The following PTPN9 variants were observed in gnomAD, a reference collection of about 807,000 sequenced individuals.
PTPN9 encodes tyrosine-protein phosphatase non-receptor type 9.
A neutral mutation model predicts 69.8 loss-of-function variants in PTPN9; 26 were observed. That is an observed-to-expected ratio of 0.37 (90% CI 0.27 to 0.52). PTPN9 has a LOEUF of 0.52. Among genes scored for constraint, PTPN9 ranks in the 20% least tolerant of loss-of-function variants. PTPN9 has a pLI of 0.91. For synonymous variants in PTPN9, 274 were observed against 272.5 expected (o/e 1.01, Z -0.05); for missense variants, 549 against 740.3 (o/e 0.74, Z 3.00).
intron 1 of PTPN9, among the ~76,000 whole-genome samples, chr15:75,535,679 C>T (rs2074979827): frequency 6.6e-6 from 1 of 152,192 alleles, no homozygotes; most frequent in East Asian, 1.9e-4. Flanking sequence ...TGCCATTTCT[C>T]CATTATTTCA....
chr15:75,522,968 G>A (rs1474174453), intron 4 of PTPN9, among the ~76,000 whole-genome samples, 153 bp downstream of exon 4: 1 of 152,190 alleles, frequency 6.6e-6, no homozygotes, highest in Non-Finnish European at 1.5e-5. Flanking sequence ...CAAACATGCC[G>A]AGTTCTAAAG....
intron 1 of PTPN9, among the ~76,000 whole-genome samples, chr15:75,564,714 T>C (rs927368443): frequency 9.2e-5 from 14 of 152,046 alleles, no homozygotes; most frequent in African/African-American, 3.1e-4. Flanking sequence ...TCTAACACTT[T>C]GGGAGGGCAA....
chr15:75,483,412 C>T (rs2074656045), intron 8 of PTPN9, among the ~76,000 whole-genome samples: 2 of 152,136 alleles, frequency 1.3e-5, no homozygotes, highest in South Asian at 2.1e-4. Context: ...CATGCTATGA[C>T]ATGGATGGAC....
chr15:75,489,703 TAAC>T (rs1191580940), intron 8 of PTPN9, among the ~76,000 whole-genome samples: 1 of 152,238 alleles, frequency 6.6e-6, no homozygotes. Context: ...ATGAGGCTTT[TAAC>T]ATGTAGATAT....
At position 75,478,180 on chromosome 15, in the gene PTPN9, G is replaced by A. The variant is rs4886446; in HGVS notation, c.1129+1668C>T. 2.8e-3 allele frequency among the ~76,000 whole-genome samples: 416 copies of A among 147,992 alleles called. 2 individuals are homozygous for A. The highest frequency in any genetic ancestry group is 9.7e-3 in the African/African-American group (392 of 40,338). ...TTCTTTTTGAGCGCAATCTCTGCTC[G>A]CTGCAACCTCCGCCTCCTGGGTTCA... On this transcript the variant is annotated intron_variant, in intron 9 of 12. Transcript: ENST00000618819.
At position 75,478,475 on chromosome 15, in the gene PTPN9, G is replaced by A. The variant is rs547956074; in HGVS notation, c.1129+1373C>T. Among the ~76,000 whole-genome samples, 5 of 151,952 alleles carry A rather than the reference G, an allele frequency of 3.3e-5. No individual in the cohort carries two copies. The South Asian group carries it at 6.2e-4, about 19-fold the overall frequency. On this transcript the variant is annotated intron_variant, in intron 9 of 12. Coordinates refer to ENST00000618819, the MANE Select transcript of PTPN9 (RefSeq NM_002833.4). Reference sequence around the variant, plus strand: ...GGCTGGAGTGCAGTGGCACGATCTCGGCTCAGAGCAACCTCTGCTTCCTGG... The same window carrying A: ...GGCTGGAGTGCAGTGGCACGATCTCAGCTCAGAGCAACCTCTGCTTCCTGG...
At chr15:75,482,592 G>A (rs898273432) in intron 8 of PTPN9, among the ~76,000 whole-genome samples, 2,792 of 82,568 alleles carry the variant, frequency 0.034, no homozygotes, top group South Asian at 0.05. Context: ...AAAAAAAAAA[G>A]AGTCATCACC....
At chr15:75,511,593 T>C (rs1181701091) in intron 5 of PTPN9, among the ~76,000 whole-genome samples, 5 of 152,152 alleles carry the variant, frequency 3.3e-5, no homozygotes, top group African/African-American at 1.2e-4. Flanking sequence ...TTTTTGAACA[T>C]GGTATGAGAT....
intron 1 of PTPN9, among the ~76,000 whole-genome samples, chr15:75,528,098 A>G (rs572676777): frequency 9.8e-4 from 149 of 152,200 alleles, no homozygotes; most frequent in African/African-American, 3.4e-3. Flanking sequence ...AACTGACCCC[A>G]CTGGACCTCT....
intron 1 of PTPN9, among the ~76,000 whole-genome samples, chr15:75,534,014 A>G (rs1383985445): frequency 6.6e-6 from 1 of 152,244 alleles, no homozygotes; most frequent in Non-Finnish European, 1.5e-5. Flanking sequence ...GTCTCCTGAA[A>G]TATCAGTTAC....
intron 8 of PTPN9, among the ~76,000 whole-genome samples, chr15:75,481,240 AC>A (rs1189628686): frequency 3.0e-5 from 2 of 66,020 alleles, no homozygotes; most frequent in African/African-American, 1.2e-4. Context: ...CCTGGCAACC[AC>A]CCCGTCTGAG....
chr15:75,565,926 G>GT (rs1256105341), intron 1 of PTPN9, among the ~76,000 whole-genome samples: 1 of 152,060 alleles, frequency 6.6e-6, no homozygotes, highest in Admixed American at 6.6e-5. Context: ...CTCATGCATG[G>GT]TAACTGTTAG....
intron 1 of PTPN9, among the ~76,000 whole-genome samples, chr15:75,539,155 G>A (rs2074997564): frequency 6.6e-6 from 1 of 152,094 alleles, no homozygotes; most frequent in East Asian, 1.9e-4. Flanking sequence ...CACCATTTTG[G>A]CCAGGATGGT....
chr15:75,513,323 G>A (rs1423281720), intron 5 of PTPN9: 2 of 456,106 alleles, frequency 4.4e-6, no homozygotes, highest in Admixed American at 4.7e-5. Context: ...AGGAAAAGAT[G>A]AAAGTAGTTT....
intron 2 of PTPN9, among the ~76,000 whole-genome samples, chr15:75,525,962 TATC>T (rs1370855098): frequency 6.6e-6 from 1 of 151,906 alleles, no homozygotes; most frequent in Non-Finnish European, 1.5e-5. Flanking sequence ...AGTGCTGCCT[TATC>T]ATAACATTTC....
intron 1 of PTPN9, among the ~76,000 whole-genome samples, chr15:75,550,751 T>C (rs1318826207): frequency 1.3e-5 from 2 of 152,050 alleles, no homozygotes; most frequent in Non-Finnish European, 2.9e-5. Flanking sequence ...ACCACTGCAC[T>C]CCAACCTGGG....
At chr15:75,547,611 A>G (rs62027181) in intron 1 of PTPN9, among the ~76,000 whole-genome samples, 53,200 of 151,650 alleles carry the variant, frequency 0.35, 10,582 homozygotes, top group African/African-American at 0.53. Context: ...ACTTAACTAC[A>G]CTGCATTAAG....
intron 1 of PTPN9, among the ~76,000 whole-genome samples, chr15:75,529,361 C>G (rs1380789615): frequency 1.3e-5 from 2 of 152,170 alleles, no homozygotes; most frequent in Non-Finnish European, 2.9e-5. Context: ...CATCCAGAAA[C>G]TTTTCTCAGC....
In PTPN9 at chr15:75,579,288, C is replaced by T. The variant is rs900328698; in HGVS notation, c.-512G>A. The T allele has an allele frequency of 1.3e-5, 2 of 152,180 alleles. No homozygotes were observed. Among genetic ancestry groups the T allele is most frequent in the East Asian group, 3.9e-4 (2 of 5,164 alleles). The allele number at this position is 152,180 out of a possible 1,614,324, so 9.4% of individuals were successfully genotyped here. A position where few individuals can be genotyped will look rare whatever the true frequency, so the allele number is the denominator to read the frequency against. On this transcript the variant is annotated 5_prime_UTR_variant, in exon 1 of 13. Transcript: ENST00000618819. ...GACCTGCGCGGCTGCCTCAGCCAGG[C>T]TCCTCGCGGGCGGCCGCAGCGAAAG...
Sources: allele counts gnomAD v4.1 joint callset (sites outside exome capture counted in the v4.1 genomes callset), GRCh38; gene constraint gnomAD v4.1.1; transcripts MANE v1.5; gene names NCBI Gene and HGNC (gene_info 2026-07-23, HGNC 2026-07-21).